PTH2R: variants seen among roughly 807,000 people sequenced by gnomAD.
PTH2R encodes PTH2 receptor.
In PTH2R, 59 loss-of-function variants were observed where a neutral mutation model predicts 60.3. The observed-to-expected ratio is 0.98, with a 90% confidence interval of 0.79 to 1.22. The LOEUF is 1.22. Among genes scored for constraint, PTH2R ranks in the 50% most tolerant of loss-of-function variants. The pLI is 0.00. For synonymous variants in PTH2R, 256 were observed against 243.8 expected (o/e 1.05, Z -0.47); for missense variants, 749 against 682.6 (o/e 1.10, Z -1.08).
chr2:208,402,012 A>G (rs1574840734), upstream of PTH2R, among the ~76,000 whole-genome samples: 1 of 152,224 alleles, frequency 6.6e-6, no homozygotes, highest in South Asian at 2.1e-4. Context: ...TTGGTGGCAC[A>G]TGACTGGCTA....
At position 208,373,677 on chromosome 2, in the gene PTH2R, T is replaced by C. The variant is rs146104298; in HGVS notation, c.-259+13440T>C. On this transcript the variant is annotated intron_variant, in intron 1 of 12. Transcript: ENST00000617735. Reference sequence around the variant, plus strand: ...GTGAGCAGTGGCCACTAGAGGGCTGTGAAGTACTTAATTCTAAAATTTCCA... The same window carrying C: ...GTGAGCAGTGGCCACTAGAGGGCTGCGAAGTACTTAATTCTAAAATTTCCA... Among the ~76,000 whole-genome samples, 764 of 152,124 alleles carry C rather than the reference T, an allele frequency of 5.0e-3. 6 individuals carry two copies. Among genetic ancestry groups the C allele is most frequent in the Middle Eastern group, 0.014 (4 of 294 alleles).
intron 8 of PTH2R, among the ~76,000 whole-genome samples, chr2:208,458,604 TC>T (rs1702563110): frequency 6.6e-6 from 1 of 152,054 alleles, no homozygotes; most frequent in South Asian, 2.1e-4. Context: ...CCTCCTACCT[TC>T]CCCCCTCAAG....
intron 2 of PTH2R, among the ~76,000 whole-genome samples, chr2:208,432,910 T>G (rs1455887582): frequency 6.6e-6 from 1 of 152,166 alleles, no homozygotes; most frequent in African/African-American, 2.4e-5. Flanking sequence ...GAGGGTCCAC[T>G]AACTTTCTCT....
chr2:208,407,126 C>T lies in PTH2R; in HGVS notation c.75+8C>T. 1 of 1,404,162 alleles carries T rather than the reference C, an allele frequency of 7.1e-7. No individual in the cohort carries two copies. The highest frequency in any genetic ancestry group is 9.3e-7 in the Non-Finnish European group (1 of 1,072,580). The allele number at this position is 1,404,162 out of a possible 1,614,324, so 87.0% of individuals were successfully genotyped here. On this transcript the variant is annotated splice_region_variant and intron_variant, in intron 1 of 12. Transcript: ENST00000272847. Reference sequence around the variant, plus strand: ...CTCCTGGCCAGAGCCCAGGTAAGAGCCAGTGCTCCGCGACACCTGTTTTCG... The same window carrying T: ...CTCCTGGCCAGAGCCCAGGTAAGAGTCAGTGCTCCGCGACACCTGTTTTCG...
chr2:208,385,554 T>G (rs908611352), intron 1 of PTH2R, among the ~76,000 whole-genome samples: 5 of 152,198 alleles, frequency 3.3e-5, no homozygotes, highest in Non-Finnish European at 7.4e-5. Context: ...AGGAGAAGGC[T>G]TGACCTGGTT....
intron 1 of PTH2R, chr2:208,360,902 T>C (rs1574801826): frequency 4.8e-6 from 1 of 208,060 alleles, no homozygotes; most frequent in Non-Finnish European, 1.0e-5. Flanking sequence ...ACTTGATGTA[T>C]ACCGAGGATC....
chr2:208,418,936 T>C (rs1042353397), intron 1 of PTH2R, among the ~76,000 whole-genome samples: 2 of 152,212 alleles, frequency 1.3e-5, no homozygotes, highest in Non-Finnish European at 2.9e-5. Flanking sequence ...CATGTATAAA[T>C]AATACTACAC....
intron 8 of PTH2R, among the ~76,000 whole-genome samples, chr2:208,456,014 T>TGA (rs1304696509): frequency 6.6e-6 from 1 of 152,108 alleles, no homozygotes. Context: ...CAAAGCAGGC[T>TGA]GATCCCTTGA....
Position 208,467,354 on chromosome 2 carries a change from C to T in PTH2R, c.981+7393C>T, listed in dbSNP as rs11904783. Among the ~76,000 whole-genome samples, 178 of 152,228 alleles carry T rather than the reference C, an allele frequency of 1.2e-3. 1 individual carries two copies. The highest frequency in any genetic ancestry group is 4.2e-3 in the African/African-American group (174 of 41,520). On this transcript the variant is annotated intron_variant, in intron 9 of 12. Coordinates refer to ENST00000272847, the MANE Select transcript of PTH2R (RefSeq NM_005048.4). ...TCTTCTCCTAACCTAAAAATCTTCT[C>T]CACAAAGGTAATACAGAAGAAAAAC...
rs149589868 is a variant in PTH2R, at chr2:208,406,841, C to A, written c.-203C>A. ...AGACAAGACCAACCTCGCGCCGCGG[C>A]GCAGCAGCACGCGGGTTCTGAGAAG... On this transcript the variant is annotated 5_prime_UTR_variant, in exon 1 of 13. Coordinates refer to ENST00000272847, the MANE Select transcript of PTH2R (RefSeq NM_005048.4). 15 of 400,034 alleles carry A rather than the reference C, an allele frequency of 3.7e-5. No homozygotes were observed. Among genetic ancestry groups the A allele is most frequent in the African/African-American group, 8.2e-5 (4 of 48,604 alleles). 24.8% of individuals were successfully genotyped at this position (400,034 alleles called of 1,614,324 possible). A position where few individuals can be genotyped will look rare whatever the true frequency, so the allele number is the denominator to read the frequency against.
intron 1 of PTH2R, among the ~76,000 whole-genome samples, chr2:208,395,936 C>A (rs1026484012): frequency 5.3e-5 from 8 of 152,192 alleles, no homozygotes; most frequent in Non-Finnish European, 1.2e-4. Context: ...GTAACCAAAA[C>A]AGCATGGTAC....
chr2:208,368,959 C>T (rs1346348907), intron 1 of PTH2R, among the ~76,000 whole-genome samples: 1 of 151,124 alleles, frequency 6.6e-6, no homozygotes, highest in African/African-American at 2.5e-5. Context: ...AAACAACCCT[C>T]CACTGTCATT....
chr2:208,385,877 C>T (rs749878036), intron 1 of PTH2R, among the ~76,000 whole-genome samples: 17 of 152,152 alleles, frequency 1.1e-4, no homozygotes, highest in South Asian at 4.1e-4. Context: ...CTTCAAAGAG[C>T]GTTTTCATAT....
At chr2:208,487,382 G>A (rs1703296361) in intron 10 of PTH2R, among the ~76,000 whole-genome samples, 1 of 152,186 alleles carries the variant, frequency 6.6e-6, no homozygotes, top group Non-Finnish European at 1.5e-5. Context: ...GGAAAGACTA[G>A]TGAGAAAGGA....
intron 9 of PTH2R, among the ~76,000 whole-genome samples, chr2:208,460,939 A>C (rs1360747691): frequency 6.6e-6 from 1 of 152,134 alleles, no homozygotes; most frequent in African/African-American, 2.4e-5. Context: ...CTACTTTGTC[A>C]GAAGGGCAGC....
At chr2:208,410,852 A>C (rs979233190) in intron 1 of PTH2R, among the ~76,000 whole-genome samples, 2 of 152,188 alleles carry the variant, frequency 1.3e-5, no homozygotes, top group African/African-American at 4.8e-5. Flanking sequence ...GGGATAAATC[A>C]ATAAATCAAG....
intron 7 of PTH2R, among the ~76,000 whole-genome samples, chr2:208,448,095 G>A (rs1702326227): frequency 1.3e-5 from 2 of 151,924 alleles, no homozygotes; most frequent in Admixed American, 6.6e-5. Context: ...CACATAATAT[G>A]TTCCCTGAAA....
intron 9 of PTH2R, among the ~76,000 whole-genome samples, chr2:208,460,507 A>G (rs1417319271): frequency 2.0e-5 from 3 of 152,152 alleles, no homozygotes; most frequent in African/African-American, 7.2e-5. Flanking sequence ...AAGTAATGGC[A>G]AAAAACACAA....
intron 2 of PTH2R, among the ~76,000 whole-genome samples, chr2:208,432,985 G>A (rs80055493): frequency 0.044 from 6,735 of 152,180 alleles, 291 homozygotes; most frequent in African/African-American, 0.11. Flanking sequence ...CCCAGAAACA[G>A]TACTTTGCCA....
Sources: allele counts gnomAD v4.1 joint callset (sites outside exome capture counted in the v4.1 genomes callset), GRCh38; gene constraint gnomAD v4.1.1; transcripts MANE v1.5; gene names NCBI Gene and HGNC (gene_info 2026-07-23, HGNC 2026-07-21).